The following ADCY1 variants were observed in gnomAD, a reference collection of about 807,000 sequenced individuals.
The protein encoded by ADCY1 is adenylate cyclase type 1.
ADCY1 carries 28 observed loss-of-function variants against 105.4 expected under a neutral mutation model. The observed-to-expected ratio is 0.27, with a 90% CI of 0.20 to 0.36. ADCY1 has a LOEUF of 0.36. ADCY1 is among the 10% of genes least tolerant of loss of function. The probability of loss-of-function intolerance (pLI) is 1.00; values close to 1 mark genes in which losing one functional copy is unlikely to be tolerated. For synonymous variants in ADCY1, 655 were observed against 623.8 expected (o/e 1.05, Z -0.75); for missense variants, 977 against 1,434.2 (o/e 0.68, Z 5.15).
At chr7:45,662,292 G>T in intron 8 of ADCY1, 78 bp downstream of exon 8, 1 of 1,475,244 alleles carries the variant, frequency 6.8e-7, no homozygotes, top group East Asian at 2.4e-5. Flanking sequence ...TATGGCCCCC[G>T]TGCCATTTGG....
Position 45,714,264 on chromosome 7 carries a change from CCGTGG to C in ADCY1, c.*273_*277del. ...AGAGGTGTCCACTCCATCCTTCCCT[CCGTGG>C]CGTAGGGAGCACTGTTTCTTTCCAG... On this transcript the variant is annotated 3_prime_UTR_variant, in exon 20 of 20. Coordinates refer to ENST00000297323, the MANE Select transcript of ADCY1 (RefSeq NM_021116.4). 4.0e-6 allele frequency: 2 copies of C among 500,960 alleles called. No homozygotes were observed. The highest frequency in any genetic ancestry group is 6.7e-5 in the South Asian group (2 of 29,812). 31.0% of individuals were successfully genotyped at this position (500,960 alleles called of 1,614,324 possible).
rs1377006011 is a variant in ADCY1, at chr7:45,720,499, G to A, written c.*6504G>A. Reference sequence around the variant, plus strand: ...CCATTGCACTCCAGCCTGGGCGACAGAGCAAGACTCTCTCAAAAAAAAAAA... The same window carrying A: ...CCATTGCACTCCAGCCTGGGCGACAAAGCAAGACTCTCTCAAAAAAAAAAA... On this transcript the variant is annotated 3_prime_UTR_variant, in exon 20 of 20. Transcript: ENST00000297323. The A allele has an allele frequency of 3.4e-4, 50 of 145,580 alleles. No homozygotes were observed. Among genetic ancestry groups the A allele is most frequent in the African/African-American group, 1.3e-3 (50 of 38,468 alleles). 9.0% of individuals were successfully genotyped at this position (145,580 alleles called of 1,614,324 possible).
chr7:45,631,639 G>A (rs188268294), intron 4 of ADCY1, among the ~76,000 whole-genome samples: 1 of 152,324 alleles, frequency 6.6e-6, no homozygotes, highest in East Asian at 1.9e-4. Flanking sequence ...GCAATTATCA[G>A]ATTAATGTTT....
intron 8 of ADCY1, among the ~76,000 whole-genome samples, chr7:45,673,881 G>A (rs1172303614): frequency 6.7e-6 from 1 of 148,804 alleles, no homozygotes; most frequent in African/African-American, 2.5e-5. Context: ...TTTTTCTTAT[G>A]TAAGTATTTA....
At chr7:45,603,765 T>C (rs1465679798) in intron 2 of ADCY1, among the ~76,000 whole-genome samples, 1 of 152,260 alleles carries the variant, frequency 6.6e-6, no homozygotes, top group Non-Finnish European at 1.5e-5. Flanking sequence ...TCTTTAAATT[T>C]GTGATTTCAA....
At chr7:45,668,836 A>C (rs939947697) in intron 8 of ADCY1, among the ~76,000 whole-genome samples, 3 of 152,118 alleles carry the variant, frequency 2.0e-5, no homozygotes, top group African/African-American at 7.2e-5. Flanking sequence ...CAGAGATTCA[A>C]CTTCTTCCTG....
chr7:45,623,573 G>A (rs1046728198), intron 4 of ADCY1, among the ~76,000 whole-genome samples: 1 of 152,208 alleles, frequency 6.6e-6, no homozygotes, highest in African/African-American at 2.4e-5. Context: ...TCTATTGCAT[G>A]GCATCGATAT....
chr7:45,648,513 C>T (rs901740750), intron 4 of ADCY1, among the ~76,000 whole-genome samples, 157 bp from the exon 5 acceptor site: 10 of 152,236 alleles, frequency 6.6e-5, no homozygotes, highest in South Asian at 2.1e-4. Flanking sequence ...GTGCTGACCA[C>T]GCAAGGGTGT....
chr7:45,599,824 C>T (rs532720126), intron 2 of ADCY1, among the ~76,000 whole-genome samples: 133 of 152,308 alleles, frequency 8.7e-4, no homozygotes, highest in African/African-American at 3.1e-3. Context: ...CGGGGTTTCA[C>T]CATGTTGGTC....
chr7:45,676,835 A>AG (rs1784463743), intron 8 of ADCY1, among the ~76,000 whole-genome samples: 1 of 143,258 alleles, frequency 7.0e-6, no homozygotes. Context: ...CTGGGGCCAC[A>AG]GATTTTTTTT....
At chr7:45,621,517 T>G (rs1793886460) in intron 3 of ADCY1, among the ~76,000 whole-genome samples, 1 of 152,224 alleles carries the variant, frequency 6.6e-6, no homozygotes, top group South Asian at 2.1e-4. Flanking sequence ...ACTGAGCTCT[T>G]ACTAGGGGCA....
chr7:45,583,633 G>GTTCTTTTCCCCCTTCTTTTTTTT (rs1562672767), intron 1 of ADCY1, among the ~76,000 whole-genome samples: 1 of 152,068 alleles, frequency 6.6e-6, no homozygotes, highest in Non-Finnish European at 1.5e-5. Flanking sequence ...GCCACCTGGT[G>GTTCTTTTCCCCCTTCTTTTTTTT]TTCTTTTCCC....
At position 45,575,538 on chromosome 7, in the gene ADCY1, T is replaced by G. The variant is rs764326617; in HGVS notation, c.639+356T>G. ...GCCGCACCCATCCCCACAGAGGGAC[T>G]GAAAGTGGGCGAGGAGAGCAGACCC... On this transcript the variant is annotated intron_variant, in intron 1 of 19. Coordinates refer to ENST00000297323, the MANE Select transcript of ADCY1 (RefSeq NM_021116.4). This position sits in a 1 kb window ranked among gnomAD's most constrained non-coding sequence, Gnocchi z 4.7. Among the ~76,000 whole-genome samples, 1 of 152,234 alleles carries G rather than the reference T, an allele frequency of 6.6e-6. No homozygotes were observed. Among genetic ancestry groups the G allele is most frequent in the South Asian group, 2.1e-4 (1 of 4,838 alleles).
In ADCY1 at chr7:45,722,063, T is replaced by C. The variant is rs1331165123; in HGVS notation, c.*8068T>C. On this transcript the variant is annotated 3_prime_UTR_variant, in exon 20 of 20. Transcript: ENST00000297323. ...AGCTGGCCCGACGGCAGCCAGAACT[T>C]GTTTCTCACCTCCCACCAGCAACCC... The C allele has an allele frequency of 2.7e-6, 1 of 373,354 alleles. No homozygotes were observed. The allele number at this position is 373,354 out of a possible 1,614,324, so 23.1% of individuals were successfully genotyped here.
chr7:45,722,094 C>A lies in ADCY1; in HGVS notation c.*8099C>A. On this transcript the variant is annotated 3_prime_UTR_variant, in exon 20 of 20. Coordinates refer to ENST00000297323, the MANE Select transcript of ADCY1 (RefSeq NM_021116.4). The stretch of plus-strand genomic sequence containing the variant: ...TCACCTCCCACCAGCAACCCCCCAC[C>A]CAACTCTGGGCCCCAGGCACACGAA... 2.9e-6 allele frequency: 1 copy of A among 347,270 alleles called. No individual in the cohort carries two copies. 21.5% of individuals were successfully genotyped at this position (347,270 alleles called of 1,614,324 possible).
chr7:45,708,350 G>C lies in ADCY1; in HGVS notation c.2818G>C (p.Ala940Pro). ...AATGACCCCATCTGTTTACACCTAG[G>C]CTAAGAAGTCCATCTCCTCCCACCT... ...VGLAPTSGTK[A>P]KKSISSHLST... The change falls in exon 18 of 20, where the codon GCT (alanine) becomes CCT (proline). Residue 940 changes from alanine to proline, a missense_variant and splice_region_variant. Physicochemically the swap from Ala to Pro is conservative, Grantham distance 27. Coordinates refer to ENST00000297323, the MANE Select transcript of ADCY1 (RefSeq NM_021116.4). The surrounding 1 kb of genome is among the most constrained non-coding windows in gnomAD (Gnocchi z 4.7). 2 of 1,612,998 alleles carry C rather than the reference G, an allele frequency of 1.2e-6. No homozygotes were observed. The highest frequency in any genetic ancestry group is 1.7e-6 in the Non-Finnish European group (2 of 1,178,972).
At chr7:45,594,742 TCAGGGA>T in intron 2 of ADCY1, among the ~76,000 whole-genome samples, 1 of 152,150 alleles carries the variant, frequency 6.6e-6, no homozygotes, top group Non-Finnish European at 1.5e-5. Context: ...CAGTCCACAC[TCAGGGA>T]GGCTCAGAAA....
Position 45,644,832 on chromosome 7 carries a change from A to T in ADCY1, c.1021-3838A>T, listed in dbSNP as rs111470675. Among the ~76,000 whole-genome samples the T allele has an allele frequency of 4.2e-3, 643 of 152,330 alleles. 10 individuals are homozygous for T. The highest frequency in any genetic ancestry group is 0.015 in the African/African-American group (633 of 41,560). On this transcript the variant is annotated intron_variant, in intron 4 of 19. Coordinates refer to ENST00000297323, the MANE Select transcript of ADCY1 (RefSeq NM_021116.4). The stretch of plus-strand genomic sequence containing the variant: ...TTGATCTCTTAAGCTTGCTAACAAA[A>T]GCCAGGGCCTCTGAGATTAAAGACA...
Position 45,574,628 on chromosome 7 carries a change from C to A in ADCY1, c.85C>A (p.Arg29Ser). Residue 29 changes from arginine to serine, a missense_variant, in exon 1 of 20, where the codon CGC becomes AGC. By Grantham distance (110) the Arg-to-Ser change is moderately radical. Transcript: ENST00000297323. The surrounding 1 kb of genome is among the most constrained non-coding windows in gnomAD (Gnocchi z 7.0). ...CGCCGAGCGGGCGGCCGGGACAAGC[C>A]GCCGGCGCGGGCTCCGGGCGTGCGA... The part of the protein sequence containing the change: ...GGAERAAGTS[R>S]RRGLRACDEE... The A allele has an allele frequency of 8.4e-7, 1 of 1,197,070 alleles. No homozygotes were observed. Among genetic ancestry groups the A allele is most frequent in the East Asian group, 3.6e-5 (1 of 27,668 alleles). 74.2% of individuals were successfully genotyped at this position (1,197,070 alleles called of 1,614,324 possible).
Sources: gnomAD v4.1 joint callset for allele counts (sites outside exome capture counted in the v4.1 genomes callset) on GRCh38, gnomAD v4.1.1 for gene constraint, Gnocchi (gnomAD v3.1) non-coding constraint, MANE v1.5 for transcripts, NCBI Gene and HGNC (gene_info 2026-07-23, HGNC 2026-07-21) for gene names.